Variants in TMEM150C observed in about 807,000 individuals in gnomAD.
TMEM150C encodes transmembrane protein 150C.
Under a neutral mutation model 29.9 loss-of-function variants are expected in TMEM150C, and 10 were observed. The observed-to-expected ratio is 0.33, with a 90% CI of 0.21 to 0.57. The LOEUF (loss-of-function observed/expected upper bound fraction) is 0.57. Ranked by LOEUF, TMEM150C falls within the 20% of genes least tolerant of loss-of-function variation. TMEM150C has a pLI of 0.88. For missense variants in TMEM150C, 251 were observed against 303.6 expected (o/e 0.83, Z 1.29); for synonymous variants, 101 against 112.5 (o/e 0.90, Z 0.64).
In TMEM150C at chr4:82,561,846, G is replaced by A. The variant is rs971355928; in HGVS notation, c.-11+60C>T. 67 of 975,738 alleles carry A rather than the reference G, an allele frequency of 6.9e-5. No homozygotes were observed. The African/African-American group carries it at 1.1e-3, about 16-fold the overall frequency. The allele number at this position is 975,738 out of a possible 1,614,324, so 60.4% of individuals were successfully genotyped here. ...CCGCCTGCGGGCTGCGCACGGGGCC[G>A]GGCCGGACGCCCCCTGGCTGCGCGA... On this transcript the variant is annotated intron_variant, in intron 1 of 7. Coordinates refer to ENST00000449862, the MANE Select transcript of TMEM150C (RefSeq NM_001080506.3).
At chr4:82,506,255 G>A (rs975294828) in intron 1 of TMEM150C, among the ~76,000 whole-genome samples, 6 of 152,170 alleles carry the variant, frequency 3.9e-5, no homozygotes, top group African/African-American at 1.2e-4. Context: ...TCAGGCTGGC[G>A]AACCAATCCC....
intron 5 of TMEM150C, among the ~76,000 whole-genome samples, chr4:82,500,793 G>A (rs1274191154): frequency 6.6e-6 from 1 of 152,212 alleles, no homozygotes; most frequent in Non-Finnish European, 1.5e-5. Context: ...AGCATACAAA[G>A]GAAACAATAT....
intron 5 of TMEM150C, among the ~76,000 whole-genome samples, chr4:82,501,273 G>A (rs1050735570): frequency 1.2e-4 from 19 of 152,144 alleles, no homozygotes. Flanking sequence ...GACTGCCCAG[G>A]ACTGGCCCTG....
intron 1 of TMEM150C, among the ~76,000 whole-genome samples, chr4:82,521,059 C>T (rs1270694360): frequency 6.6e-6 from 1 of 152,162 alleles, no homozygotes; most frequent in Non-Finnish European, 1.5e-5. Flanking sequence ...TGTCCCCTGT[C>T]CCGCCAGAAA....
intron 1 of TMEM150C, among the ~76,000 whole-genome samples, chr4:82,520,961 A>G (rs1403660649): frequency 2.0e-5 from 3 of 151,804 alleles, no homozygotes; most frequent in Non-Finnish European, 1.5e-5. Context: ...TTTACGCACT[A>G]CTCACCCCTG....
intron 1 of TMEM150C, among the ~76,000 whole-genome samples, chr4:82,536,018 A>G (rs1409157387): frequency 6.6e-6 from 1 of 152,122 alleles, no homozygotes; most frequent in African/African-American, 2.4e-5. Flanking sequence ...AGGGGCAAAA[A>G]TCACCTCTGG....
intron 6 of TMEM150C, chr4:82,491,650 G>A (rs1354716144): frequency 7.4e-6 from 4 of 539,194 alleles, no homozygotes; most frequent in Non-Finnish European, 1.3e-5. Flanking sequence ...GGCAGCAGGA[G>A]GAGAGCGCTA....
chr4:82,535,118 T>A (rs1724964788), intron 1 of TMEM150C, among the ~76,000 whole-genome samples: 1 of 152,216 alleles, frequency 6.6e-6, no homozygotes, highest in African/African-American at 2.4e-5. Flanking sequence ...GCTACATGGT[T>A]GTCTTAGTCC....
At position 82,545,272 on chromosome 4, in the gene TMEM150C, A is replaced by G. The variant is rs552132211; in HGVS notation, c.-11+16634T>C. On this transcript the variant is annotated intron_variant, in intron 1 of 7. Coordinates refer to ENST00000449862, the MANE Select transcript of TMEM150C (RefSeq NM_001080506.3). ...CAAATCAGTAAATGTGATTCATAAC[A>G]TAAACAGAATTAAAAACAAAAACCA... 2.0e-5 allele frequency among the ~76,000 whole-genome samples: 3 copies of G among 152,362 alleles called. No individual in the cohort carries two copies. In the South Asian group the frequency reaches 6.2e-4, roughly 32 times the overall value.
chr4:82,542,051 T>C (rs1241179800), intron 1 of TMEM150C, among the ~76,000 whole-genome samples: 2 of 152,232 alleles, frequency 1.3e-5, no homozygotes, highest in African/African-American at 2.4e-5. Flanking sequence ...TTTTCCTAAA[T>C]GCCCAACTGG....
intron 1 of TMEM150C, among the ~76,000 whole-genome samples, chr4:82,518,900 CTTAGA>C (rs1724383973): frequency 6.6e-6 from 1 of 152,136 alleles, no homozygotes; most frequent in Non-Finnish European, 1.5e-5. Context: ...TGTTCTCTTC[CTTAGA>C]TAACTATTTA....
At chr4:82,530,113 G>A (rs1340772906) in intron 1 of TMEM150C, among the ~76,000 whole-genome samples, 1 of 151,538 alleles carries the variant, frequency 6.6e-6, no homozygotes, top group Non-Finnish European at 1.5e-5. Flanking sequence ...TCTAGAGAGA[G>A]AGAGTGAGAG....
intron 1 of TMEM150C, among the ~76,000 whole-genome samples, chr4:82,525,238 T>C (rs756126199): frequency 2.6e-5 from 4 of 152,188 alleles, no homozygotes; most frequent in African/African-American, 7.2e-5. Context: ...ATAAAGTCAG[T>C]TGGGGCTTGG....
chr4:82,524,807 G>C (rs562510376), intron 1 of TMEM150C, among the ~76,000 whole-genome samples: 1 of 152,304 alleles, frequency 6.6e-6, no homozygotes, highest in South Asian at 2.1e-4. Flanking sequence ...AATCCCACCT[G>C]AGGAAGCTGG....
chr4:82,504,462 A>G, intron 2 of TMEM150C, 116 bp downstream of exon 2: 1 of 697,798 alleles, frequency 1.4e-6, no homozygotes, highest in Non-Finnish European at 2.4e-6. Flanking sequence ...CGGCCTCCCA[A>G]AGTGCTGAGA....
chr4:82,498,873 A>G (rs1430886311), intron 5 of TMEM150C, among the ~76,000 whole-genome samples: 1 of 152,194 alleles, frequency 6.6e-6, no homozygotes, highest in Non-Finnish European at 1.5e-5. Context: ...ATGAATGGTA[A>G]GTCATCTTAT....
chr4:82,511,275 A>G (rs1002210543), intron 1 of TMEM150C, among the ~76,000 whole-genome samples: 4 of 152,202 alleles, frequency 2.6e-5, no homozygotes, highest in Non-Finnish European at 4.4e-5. Context: ...TTTCTATTAA[A>G]CATTACCATT....
intron 5 of TMEM150C, among the ~76,000 whole-genome samples, chr4:82,498,895 T>TC (rs1723642434): frequency 6.6e-6 from 1 of 152,200 alleles, no homozygotes; most frequent in Non-Finnish European, 1.5e-5. Context: ...ATGAACAAAT[T>TC]ATGAAATTCA....
At chr4:82,512,530 C>T (rs1228168918) in intron 1 of TMEM150C, among the ~76,000 whole-genome samples, 1 of 152,072 alleles carries the variant, frequency 6.6e-6, no homozygotes. Flanking sequence ...TAAGTGTGGC[C>T]CTGTGAGTAA....
Sources: gnomAD v4.1 joint callset for allele counts (sites outside exome capture counted in the v4.1 genomes callset) on GRCh38, gnomAD v4.1.1 for gene constraint, MANE v1.5 for transcripts, NCBI Gene and HGNC (gene_info 2026-07-23, HGNC 2026-07-21) for gene names.